The following PDE3A variants were observed in gnomAD, a reference collection of about 807,000 sequenced individuals.
PDE3A encodes the protein phosphodiesterase 3A.
Under a neutral mutation model 98.3 loss-of-function variants are expected in PDE3A, and 43 were observed. The observed-to-expected ratio is 0.44, with a 90% confidence interval of 0.34 to 0.56. The LOEUF is 0.56. Among genes scored for constraint, PDE3A ranks in the 20% least tolerant of loss-of-function variants. The pLI is 0.01. For synonymous variants in PDE3A, 663 were observed against 567.9 expected (o/e 1.17, Z -2.38); for missense variants, 1,427 against 1,440.7 (o/e 0.99, Z 0.15).
Position 20,373,642 on chromosome 12 carries a change from A to G in PDE3A, c.960+3398A>G, listed in dbSNP as rs573889532. On this transcript the variant is annotated intron_variant, in intron 1 of 15. Transcript: ENST00000359062. ...TTAGTTACCTGTTAAGGAAAATTTT[A>G]TATTTTTACCTGTGGTTTCAGGTAA... Among the ~76,000 whole-genome samples the G allele has an allele frequency of 5.9e-5, 9 of 152,234 alleles. No homozygotes were observed. The South Asian group carries it at 1.9e-3, about 32-fold the overall frequency.
intron 1 of PDE3A, among the ~76,000 whole-genome samples, chr12:20,442,344 T>C (rs1333242166): frequency 6.6e-6 from 1 of 152,206 alleles, no homozygotes; most frequent in Non-Finnish European, 1.5e-5. Context: ...CAAAAAAGAT[T>C]TCCCTCATGT....
At chr12:20,606,862 A>G (rs1943722179) in intron 2 of PDE3A, among the ~76,000 whole-genome samples, 1 of 151,900 alleles carries the variant, frequency 6.6e-6, no homozygotes, top group Admixed American at 6.6e-5. Context: ...AAAAAAAAAA[A>G]AAAAAAAATT....
intron 1 of PDE3A, among the ~76,000 whole-genome samples, chr12:20,420,576 G>T (rs917525061): frequency 6.6e-6 from 1 of 152,102 alleles, no homozygotes; most frequent in African/African-American, 2.4e-5. Flanking sequence ...GACATTCAGG[G>T]CAATTGTACA....
At chr12:20,434,407 A>G (rs1944747820) in intron 1 of PDE3A, among the ~76,000 whole-genome samples, 1 of 152,090 alleles carries the variant, frequency 6.6e-6, no homozygotes, top group East Asian at 1.9e-4. Flanking sequence ...ATTGCTATCT[A>G]TCTTCATTTA....
chr12:20,673,546 T>C (rs538021045), intron 15 of PDE3A, among the ~76,000 whole-genome samples: 1 of 149,240 alleles, frequency 6.7e-6, no homozygotes, highest in Admixed American at 6.7e-5. Flanking sequence ...TCATGTCCTT[T>C]GTAGGGACAT....
chr12:20,436,529 T>C (rs1944781747), intron 1 of PDE3A, among the ~76,000 whole-genome samples: 1 of 152,066 alleles, frequency 6.6e-6, no homozygotes, highest in East Asian at 1.9e-4. Context: ...AGTTATAGTG[T>C]CTGGGATTAG....
At chr12:20,417,100 A>G (rs73239511) in intron 1 of PDE3A, among the ~76,000 whole-genome samples, 4,612 of 152,310 alleles carry the variant, frequency 0.03, 224 homozygotes, top group African/African-American at 0.11. Context: ...AATTCATGCT[A>G]TAATGTGGAC....
chr12:20,465,287 G>A (rs894582063), intron 1 of PDE3A, among the ~76,000 whole-genome samples: 1 of 152,054 alleles, frequency 6.6e-6, no homozygotes, highest in Non-Finnish European at 1.5e-5. Flanking sequence ...TACGTTGTTG[G>A]ATTACACACG....
chr12:20,614,991 TCTTTTTTTC>T (rs796350555), intron 3 of PDE3A, among the ~76,000 whole-genome samples: 5,199 of 44,920 alleles, frequency 0.12, 294 homozygotes, highest in African/African-American at 0.2. Context: ...CTTTTTCTTT[TCTTTTTTTC>T]TTTCTTTCTC....
chr12:20,386,024 T>TAA (rs1943759970), intron 1 of PDE3A, among the ~76,000 whole-genome samples: 1 of 95,102 alleles, frequency 1.1e-5, no homozygotes, highest in African/African-American at 4.0e-5. Context: ...ATAAAATATA[T>TAA]ATATAAATAT....
In PDE3A at chr12:20,452,809, A is replaced by G. The variant is rs1317437402; in HGVS notation, c.960+82565A>G. 3.3e-5 allele frequency among the ~76,000 whole-genome samples: 5 copies of G among 152,146 alleles called. No individual in the cohort carries two copies. In the East Asian group the frequency reaches 9.7e-4, roughly 29 times the overall value. ...GACAGCAAACACATGGAAGGGAAGC[A>G]TGCCAGCCCCCTGACACTGAATGGC... On this transcript the variant is annotated intron_variant, in intron 1 of 15. Transcript: ENST00000359062.
chr12:20,645,581 T>A (rs1401705677), intron 10 of PDE3A, among the ~76,000 whole-genome samples: 4 of 152,058 alleles, frequency 2.6e-5, no homozygotes, highest in Admixed American at 6.5e-5. Context: ...TACAATAGAA[T>A]AAAGCATACT....
intron 2 of PDE3A, among the ~76,000 whole-genome samples, chr12:20,579,606 C>A (rs1180917547): frequency 6.6e-6 from 1 of 152,100 alleles, no homozygotes; most frequent in Non-Finnish European, 1.5e-5. Flanking sequence ...TCTCTGTGTT[C>A]CATAGACCAC....
At chr12:20,458,501 C>T (rs1232664811) in intron 1 of PDE3A, among the ~76,000 whole-genome samples, 2 of 152,062 alleles carry the variant, frequency 1.3e-5, no homozygotes, top group Admixed American at 6.6e-5. Context: ...CACCTTCTTA[C>T]TAATGTGCCC....
rs548776097 is a variant in PDE3A, at chr12:20,409,477, G to A, written c.960+39233G>A. ...TACCTACAATTTGATACTATGTAGA[G>A]AGAACATTTTCTTTCAGAAATGATC... On this transcript the variant is annotated intron_variant, in intron 1 of 15. Transcript: ENST00000359062. Among the ~76,000 whole-genome samples, 4 of 152,158 alleles carry A rather than the reference G, an allele frequency of 2.6e-5. No homozygotes were observed. The South Asian group carries it at 8.3e-4, about 32-fold the overall frequency.
At chr12:20,604,841 T>G (rs1016868633) in intron 2 of PDE3A, among the ~76,000 whole-genome samples, 1 of 152,210 alleles carries the variant, frequency 6.6e-6, no homozygotes, top group African/African-American at 2.4e-5. Context: ...GACTGGAGTT[T>G]CAGGTTGCCG....
intron 2 of PDE3A, 29 bp downstream of exon 2, chr12:20,556,739 G>T (rs768082296): frequency 6.4e-7 from 1 of 1,553,066 alleles, no homozygotes; most frequent in Non-Finnish European, 8.9e-7. Flanking sequence ...TCTTTTTCAC[G>T]TTTCGTTTCG....
intron 1 of PDE3A, among the ~76,000 whole-genome samples, chr12:20,459,086 CCCAGTATAGTGTTTCTTTGTA>C (rs1945203077): frequency 1.3e-5 from 2 of 152,064 alleles, no homozygotes; most frequent in South Asian, 4.1e-4. Flanking sequence ...ACTTTTCCTT[CCCAGTATAGTGTTTCTTTGTA>C]CCTCTGAAAA....
intron 2 of PDE3A, among the ~76,000 whole-genome samples, chr12:20,559,907 T>G (rs1488285210): frequency 6.6e-6 from 1 of 152,128 alleles, no homozygotes; most frequent in Non-Finnish European, 1.5e-5. Flanking sequence ...TTTTATAACT[T>G]CTGTATAAAT....
Sources: gnomAD v4.1 joint callset for allele counts (sites outside exome capture counted in the v4.1 genomes callset) on GRCh38, gnomAD v4.1.1 for gene constraint, MANE v1.5 for transcripts, NCBI Gene and HGNC (gene_info 2026-07-23, HGNC 2026-07-21) for gene names.